Variants in NPAS3 observed in about 807,000 individuals in gnomAD.
The protein encoded by NPAS3 is neuronal PAS domain-containing protein 3.
A neutral mutation model predicts 73.1 loss-of-function variants in NPAS3; 14 were observed. The ratio of observed to expected loss-of-function variants is 0.19; its 90% CI spans 0.13 to 0.30. The LOEUF (loss-of-function observed/expected upper bound fraction) is 0.30. Ranked by LOEUF, NPAS3 falls within the 10% of genes least tolerant of loss-of-function variation. NPAS3 has a pLI of 1.00. For missense variants in NPAS3, 1,096 were observed against 1,250.0 expected (o/e 0.88, Z 1.86); for synonymous variants, 620 against 541.5 (o/e 1.14, Z -2.01).
intron 4 of NPAS3, among the ~76,000 whole-genome samples, chr14:33,528,432 AT>A (rs1263581439): frequency 6.6e-6 from 1 of 151,960 alleles, no homozygotes; most frequent in Non-Finnish European, 1.5e-5. Context: ...ATATTAATAA[AT>A]AATTCTGCAG....
intron 4 of NPAS3, among the ~76,000 whole-genome samples, chr14:33,369,308 G>T (rs549613502): frequency 6.8e-6 from 1 of 146,836 alleles, no homozygotes; most frequent in Non-Finnish European, 1.5e-5. Context: ...ATCATATTAC[G>T]TGAAGAGTGG....
chr14:33,218,493 C>G (rs543013360), intron 3 of NPAS3, among the ~76,000 whole-genome samples: 1 of 152,154 alleles, frequency 6.6e-6, no homozygotes, highest in South Asian at 2.1e-4. Flanking sequence ...TTATTAAGGT[C>G]TTCTATGTTG....
chr14:33,419,567 TA>T (rs1170223679), intron 4 of NPAS3, among the ~76,000 whole-genome samples: 7 of 152,058 alleles, frequency 4.6e-5, no homozygotes, highest in Middle Eastern at 6.8e-3. Flanking sequence ...AAGCATTTTT[TA>T]AAGCTTTTGG....
At chr14:33,769,756 C>CTT (rs916953785) in intron 7 of NPAS3, among the ~76,000 whole-genome samples, 11,419 of 81,050 alleles carry the variant, frequency 0.14, 2,777 homozygotes, top group Non-Finnish European at 0.17. Flanking sequence ...TTTTTTTTTT[C>CTT]TTTTTTTTTT....
intron 5 of NPAS3, among the ~76,000 whole-genome samples, chr14:33,571,799 A>G (rs2139822419): frequency 6.6e-6 from 1 of 152,370 alleles, no homozygotes; most frequent in African/African-American, 2.4e-5. Flanking sequence ...AGATTATCTG[A>G]AATATGAATT....
chr14:32,961,142 G>A (rs547895146), intron 1 of NPAS3, among the ~76,000 whole-genome samples: 2 of 152,252 alleles, frequency 1.3e-5, no homozygotes, highest in South Asian at 4.1e-4. Context: ...GGCTGGGTGT[G>A]GTGGCTCACG....
intron 5 of NPAS3, among the ~76,000 whole-genome samples, chr14:33,579,740 G>A (rs994615133): frequency 2.6e-5 from 4 of 151,982 alleles, no homozygotes; most frequent in Non-Finnish European, 5.9e-5. Flanking sequence ...TAAATTGGGA[G>A]TATCAAAAAT....
chr14:33,093,434 A>G (rs2042298363), intron 2 of NPAS3, among the ~76,000 whole-genome samples: 1 of 152,220 alleles, frequency 6.6e-6, no homozygotes, highest in African/African-American at 2.4e-5. Context: ...ATCTCACACC[A>G]GTTAGAATGG....
At chr14:33,521,185 G>A (rs975862888) in intron 4 of NPAS3, among the ~76,000 whole-genome samples, 22 of 152,056 alleles carry the variant, frequency 1.4e-4, no homozygotes, top group African/African-American at 3.9e-4. Flanking sequence ...GATCTGCAGG[G>A]CACTTAACCT....
At chr14:33,498,484 C>T (rs1420305959) in intron 4 of NPAS3, among the ~76,000 whole-genome samples, 1 of 152,148 alleles carries the variant, frequency 6.6e-6, no homozygotes, top group Admixed American at 6.5e-5. Context: ...AAATGTGGCA[C>T]ATATACACCG....
intron 4 of NPAS3, among the ~76,000 whole-genome samples, chr14:33,525,820 G>A (rs964799940): frequency 5.3e-5 from 8 of 152,114 alleles, no homozygotes. Context: ...GGGAGGTAGG[G>A]TCTGATCAGG....
intron 3 of NPAS3, among the ~76,000 whole-genome samples, chr14:33,355,353 T>C (rs1423140368): frequency 6.6e-6 from 1 of 152,130 alleles, no homozygotes; most frequent in Non-Finnish European, 1.5e-5. Flanking sequence ...CAGGCTGGAG[T>C]GCAGTGGCGA....
At chr14:33,665,190 G>A (rs2059418959) in intron 5 of NPAS3, among the ~76,000 whole-genome samples, 1 of 152,174 alleles carries the variant, frequency 6.6e-6, no homozygotes, top group African/African-American at 2.4e-5. Flanking sequence ...AAAAGGATGA[G>A]TTCATGTCCT....
intron 4 of NPAS3, among the ~76,000 whole-genome samples, chr14:33,497,391 G>A (rs1407582501): frequency 6.6e-6 from 1 of 152,010 alleles, no homozygotes; most frequent in Non-Finnish European, 1.5e-5. Flanking sequence ...ATATAGCTAA[G>A]ACAATCCTAA....
At chr14:32,979,130 C>G (rs1057469140) in intron 1 of NPAS3, among the ~76,000 whole-genome samples, 2 of 152,208 alleles carry the variant, frequency 1.3e-5, no homozygotes, top group Admixed American at 6.5e-5. Context: ...TGTTAAAGAG[C>G]TTAGTGCAGT....
intron 1 of NPAS3, among the ~76,000 whole-genome samples, chr14:32,987,059 C>T (rs1446666520): frequency 2.6e-5 from 4 of 152,110 alleles, no homozygotes; most frequent in African/African-American, 9.7e-5. Context: ...GGGATGAAAA[C>T]GTCTTTCATG....
chr14:33,215,063 T>C (rs1351564735), intron 2 of NPAS3, 119 bp from the exon 3 acceptor site: 1 of 1,071,078 alleles, frequency 9.3e-7, no homozygotes, highest in African/African-American at 1.6e-5. Flanking sequence ...CACTCTCTAG[T>C]TTTGAAATAG....
chr14:33,321,102 G>A (rs1392292720), intron 3 of NPAS3, among the ~76,000 whole-genome samples: 1 of 152,110 alleles, frequency 6.6e-6, no homozygotes, highest in African/African-American at 2.4e-5. Context: ...CCCCTAGGGT[G>A]GAAGAGGTAA....
chr14:33,574,299 A>G (rs1211258685), intron 5 of NPAS3, among the ~76,000 whole-genome samples: 1 of 152,172 alleles, frequency 6.6e-6, no homozygotes, highest in Non-Finnish European at 1.5e-5. Context: ...CCTGGCTGGT[A>G]TCCTCCTCAG....
Sources: gnomAD v4.1 joint callset for allele counts (sites outside exome capture counted in the v4.1 genomes callset) on GRCh38, gnomAD v4.1.1 for gene constraint, MANE v1.5 for transcripts, NCBI Gene and HGNC (gene_info 2026-07-23, HGNC 2026-07-21) for gene names.